Variants in CCDC66 observed in about 807,000 individuals in gnomAD.
CCDC66 encodes the protein coiled-coil domain containing 66, also known as coiled-coil domain-containing protein 66.
In CCDC66, 133 loss-of-function variants were observed where a neutral mutation model predicts 128.3. The observed-to-expected ratio is 1.04, with a 90% CI of 0.90 to 1.20. The LOEUF (loss-of-function observed/expected upper bound fraction) is 1.20, where lower values mean the gene tolerates loss of function less well. Among genes scored for constraint, CCDC66 ranks in the 50% most tolerant of loss-of-function variants. The probability of loss-of-function intolerance (pLI) is 0.00; values close to 1 mark genes in which losing one functional copy is unlikely to be tolerated. For synonymous variants in CCDC66, 387 were observed against 357.0 expected (o/e 1.08, Z -0.95); for missense variants, 1,126 against 1,075.5 (o/e 1.05, Z -0.66).
chr3:56,566,149 G>T (rs1437394495), intron 4 of CCDC66, among the ~76,000 whole-genome samples: 1 of 48,966 alleles, frequency 2.0e-5, no homozygotes, highest in African/African-American at 5.3e-5. Flanking sequence ...TTTTTGAGAC[G>T]ACATCTGGCC....
At position 56,615,219 on chromosome 3, in the gene CCDC66, G is replaced by T; in HGVS notation, c.1658G>T (p.Arg553Leu). The change falls in exon 12 of 18, where the codon CGA becomes CTA. Residue 553 changes from arginine (R) to leucine (L), a missense_variant. Coordinates refer to ENST00000394672, the MANE Select transcript of CCDC66 (RefSeq NM_001141947.3). ...AQRLKQEQRI[R>L]ELAQKGHDTS... ...AGACTAAAACAAGAACAAAGAATCC[G>T]AGAATTGGCGCAAAAGGGACATGAC... 6.2e-7 allele frequency: 1 copy of T among 1,614,010 alleles called. No homozygotes were observed. Among genetic ancestry groups the T allele is most frequent in the Non-Finnish European group, 8.5e-7 (1 of 1,179,962 alleles).
intron 7 of CCDC66, among the ~76,000 whole-genome samples, chr3:56,574,695 ATAATT>A (rs1358693135): frequency 1.3e-5 from 2 of 151,812 alleles, no homozygotes; most frequent in South Asian, 4.1e-4. Context: ...TGTTCTACTT[ATAATT>A]TAAAGAGTTG....
Position 56,613,717 on chromosome 3 carries a change from T to C in CCDC66, c.1533T>C (p.Tyr511=). 1 of 1,612,372 alleles carries C rather than the reference T, an allele frequency of 6.2e-7. No homozygotes were observed. Among genetic ancestry groups the C allele is most frequent in the Non-Finnish European group, 8.5e-7 (1 of 1,179,522 alleles). Residue 511 remains tyrosine (Y), a synonymous_variant, in exon 11 of 18, where the codon TAT becomes TAC. Transcript: ENST00000394672. Reference sequence around the variant, plus strand: ...AACGTGAAGAGATGCAGAAACAGTATGAAGAAGACATACTTAAGCAAAAAC... The same window carrying C: ...AACGTGAAGAGATGCAGAAACAGTACGAAGAAGACATACTTAAGCAAAAAC... ...AQEREEMQKQ[Y]EEDILKQKQK... is the part of the protein sequence containing the mutation.
intron 7 of CCDC66, among the ~76,000 whole-genome samples, chr3:56,577,304 T>G (rs1320345150): frequency 6.6e-6 from 1 of 151,918 alleles, no homozygotes; most frequent in Admixed American, 6.6e-5. Flanking sequence ...TTAAGTTATT[T>G]ATAGATTCTG....
At chr3:56,618,630 G>C (rs2075865788) in intron 15 of CCDC66, 1 of 164,470 alleles carries the variant, frequency 6.1e-6, no homozygotes, top group Admixed American at 6.2e-5. Flanking sequence ...GCATGAACCA[G>C]CTGGTTTAGT....
At chr3:56,569,666 A>T (rs1447541223) in intron 6 of CCDC66, 1 of 151,006 alleles carries the variant, frequency 6.6e-6, no homozygotes, top group Non-Finnish European at 1.5e-5. Context: ...GATTAAACTT[A>T]TGTTAGCAGT....
chr3:56,584,134 G>T (rs1280374323), intron 7 of CCDC66, among the ~76,000 whole-genome samples: 1 of 140,114 alleles, frequency 7.1e-6, no homozygotes, highest in Non-Finnish European at 1.5e-5. Context: ...CCTCCCGGAC[G>T]GGGCGGCTGG....
intron 7 of CCDC66, among the ~76,000 whole-genome samples, chr3:56,590,499 A>G (rs975398899): frequency 3.9e-5 from 6 of 152,160 alleles, no homozygotes; most frequent in Admixed American, 3.9e-4. Flanking sequence ...AGAATAGGCC[A>G]TGTGCAGTGG....
rs181276458 is a variant in CCDC66, at chr3:56,567,646, G to A, written c.814+593G>A. ...TTGGAGCATGGCAAAACAGATTATG[G>A]GAGGGGGAGGAGAGGCAACCTGGCC... On this transcript the variant is annotated intron_variant, in intron 6 of 17. Transcript: ENST00000394672. 2.8e-4 allele frequency among the ~76,000 whole-genome samples: 42 copies of A among 152,214 alleles called. 1 individual carries two copies. The East Asian group carries it at 8.1e-3, about 29-fold the overall frequency.
At chr3:56,616,221 C>T (rs1207672809) in intron 13 of CCDC66, 168 bp downstream of exon 13, 1 of 533,680 alleles carries the variant, frequency 1.9e-6, no homozygotes, top group East Asian at 4.4e-5. Context: ...TCATGTACCA[C>T]AAAATTTATC....
At chr3:56,620,046 A>G (rs1395359609) in intron 17 of CCDC66, 145 bp downstream of exon 17, 6 of 834,864 alleles carry the variant, frequency 7.2e-6, no homozygotes, top group Non-Finnish European at 8.9e-6. Flanking sequence ...TTTGTTAGAC[A>G]CAAATAAAAT....
At chr3:56,585,289 A>T (rs1029607970) in intron 7 of CCDC66, among the ~76,000 whole-genome samples, 8 of 151,922 alleles carry the variant, frequency 5.3e-5, no homozygotes, top group African/African-American at 1.9e-4. Flanking sequence ...ACAACAATAC[A>T]TACAATCATA....
chr3:56,575,408 A>G (rs1414139943), intron 7 of CCDC66, among the ~76,000 whole-genome samples: 1 of 151,698 alleles, frequency 6.6e-6, no homozygotes, highest in East Asian at 2.0e-4. Context: ...GTCTATTGAG[A>G]TCCTTTGCCC....
intron 7 of CCDC66, among the ~76,000 whole-genome samples, chr3:56,590,298 C>T (rs2070645214): frequency 6.6e-6 from 1 of 152,134 alleles, no homozygotes; most frequent in Non-Finnish European, 1.5e-5. Context: ...ATTTGAAAAG[C>T]CCTTTATTTT....
chr3:56,559,336 A>T (rs1172848949), intron 2 of CCDC66, among the ~76,000 whole-genome samples: 5 of 151,144 alleles, frequency 3.3e-5, no homozygotes, highest in African/African-American at 1.2e-4. Context: ...TCTCCTTCGC[A>T]TTTTTTTTTC....
chr3:56,599,807 C>T (rs972234824), intron 10 of CCDC66, among the ~76,000 whole-genome samples: 1 of 152,060 alleles, frequency 6.6e-6, no homozygotes, highest in African/African-American at 2.4e-5. Flanking sequence ...AACATATGAT[C>T]TGTCCTGGAG....
At chr3:56,595,091 C>T (rs1163935839) in intron 10 of CCDC66, among the ~76,000 whole-genome samples, 2 of 152,026 alleles carry the variant, frequency 1.3e-5, no homozygotes, top group African/African-American at 2.4e-5. Context: ...CTACAGTCAC[C>T]AAACTAATGC....
chr3:56,583,913 G>T (rs1340158742), intron 7 of CCDC66, among the ~76,000 whole-genome samples: 2 of 95,300 alleles, frequency 2.1e-5, no homozygotes, highest in Non-Finnish European at 4.2e-5. Context: ...TGGGGCGGCG[G>T]CTGGGCGGGG....
In CCDC66 at chr3:56,618,213, G is replaced by A; in HGVS notation, c.2378+1G>A. ...ATATTCATTCATTCAGCAAGGAAAG[G>A]TAAGTATGCATCAGATTAATTCCGC... On this transcript the variant is annotated splice_donor_variant, in intron 15 of 17. Coordinates refer to ENST00000394672, the MANE Select transcript of CCDC66 (RefSeq NM_001141947.3). LOFTEE classifies it high-confidence loss of function. 8.1e-6 allele frequency: 13 copies of A among 1,612,434 alleles called. No homozygotes were observed. The highest frequency in any genetic ancestry group is 1.1e-5 in the Non-Finnish European group (13 of 1,178,552).
Sources: gnomAD v4.1 joint callset for allele counts (sites outside exome capture counted in the v4.1 genomes callset) on GRCh38, gnomAD v4.1.1 for gene constraint, MANE v1.5 for transcripts, NCBI Gene and HGNC (gene_info 2026-07-23, HGNC 2026-07-21) for gene names.